The following FOCAD variants were observed in gnomAD, a reference collection of about 807,000 sequenced individuals.
FOCAD encodes the protein focadhesin.
A neutral mutation model predicts 225.6 loss-of-function variants in FOCAD; 198 were observed. The ratio of observed to expected loss-of-function variants is 0.88; its 90% CI spans 0.78 to 0.99. The LOEUF is 0.99. Ranked by LOEUF, FOCAD falls within the 50% of genes least tolerant of loss-of-function variation. The pLI is 0.00. For synonymous variants in FOCAD, 897 were observed against 755.0 expected (o/e 1.19, Z -3.08); for missense variants, 2,713 against 2,123.6 (o/e 1.28, Z -5.46).
chr9:20,770,311 G>C (rs897252494), intron 8 of FOCAD, 73 bp downstream of exon 8: 4 of 1,370,078 alleles, frequency 2.9e-6, no homozygotes, highest in Non-Finnish European at 4.1e-6. Context: ...AATTTATAAA[G>C]AAATGAGGTT....
chr9:20,695,751 T>G (rs766577165), intron 1 of FOCAD, among the ~76,000 whole-genome samples: 7 of 152,216 alleles, frequency 4.6e-5, no homozygotes, highest in Non-Finnish European at 7.3e-5. Flanking sequence ...TAAGTATGGC[T>G]TAGAGGGCTA....
chr9:20,798,579 G>A (rs1821405497), intron 11 of FOCAD, among the ~76,000 whole-genome samples: 1 of 152,032 alleles, frequency 6.6e-6, no homozygotes, highest in Non-Finnish European at 1.5e-5. Flanking sequence ...GTCTTGGGAG[G>A]ATGTATGTGT....
intron 15 of FOCAD, among the ~76,000 whole-genome samples, chr9:20,824,029 C>A (rs1205273053): frequency 6.6e-6 from 1 of 152,028 alleles, no homozygotes; most frequent in Non-Finnish European, 1.5e-5. Flanking sequence ...TTTTGGTGAA[C>A]ACTCATTTCA....
At chr9:20,789,222 TAATTCA>T in intron 10 of FOCAD, 123 bp from the exon 11 acceptor site, 4 of 1,026,578 alleles carry the variant, frequency 3.9e-6, no homozygotes, top group Non-Finnish European at 5.7e-6. Flanking sequence ...ATTTTGGCAG[TAATTCA>T]ATTTGTATTC....
At chr9:20,725,776 A>G (rs1430060868) in intron 4 of FOCAD, among the ~76,000 whole-genome samples, 3 of 152,336 alleles carry the variant, frequency 2.0e-5, no homozygotes, top group East Asian at 3.9e-4. Context: ...CTGGTTGTCT[A>G]AACTTCAGGG....
At chr9:20,815,063 G>A (rs1031888032) in intron 11 of FOCAD, among the ~76,000 whole-genome samples, 3 of 138,022 alleles carry the variant, frequency 2.2e-5, no homozygotes. Flanking sequence ...TGTAAGGCAT[G>A]TTTAGTGGTG....
intron 15 of FOCAD, among the ~76,000 whole-genome samples, chr9:20,855,722 C>T (rs527368977): frequency 6.6e-6 from 1 of 150,922 alleles, no homozygotes; most frequent in Non-Finnish European, 1.5e-5. Context: ...ACCCATTAAT[C>T]ATTTCTGCTG....
intron 7 of FOCAD, among the ~76,000 whole-genome samples, chr9:20,765,776 G>A (rs1323347656): frequency 6.6e-6 from 1 of 152,176 alleles, no homozygotes; most frequent in Non-Finnish European, 1.5e-5. Context: ...TTTTAGTGTA[G>A]TGATTCATTT....
chr9:20,821,718 C>G (rs947662531), intron 14 of FOCAD, among the ~76,000 whole-genome samples: 40 of 151,714 alleles, frequency 2.6e-4, no homozygotes, highest in Non-Finnish European at 7.4e-5. Flanking sequence ...AAGAAATGGA[C>G]TTGATGCATT....
chr9:20,961,550 C>T (rs1465004048), intron 35 of FOCAD, among the ~76,000 whole-genome samples: 5 of 152,138 alleles, frequency 3.3e-5, no homozygotes, highest in Non-Finnish European at 2.9e-5. Context: ...GTCTCTAGGC[C>T]GTTTCAGTGG....
At chr9:20,951,322 C>G (rs1175651180) in intron 34 of FOCAD, among the ~76,000 whole-genome samples, 1 of 152,078 alleles carries the variant, frequency 6.6e-6, no homozygotes, top group Admixed American at 6.6e-5. Flanking sequence ...ATCTTTTGGC[C>G]TCCAAAGCTC....
At chr9:20,718,003 CTTTT>C (rs1383638792) in intron 3 of FOCAD, 135 bp downstream of exon 3, 64 of 608,282 alleles carry the variant, frequency 1.1e-4, no homozygotes, top group Non-Finnish European at 1.7e-4. Context: ...ACTTCATTGC[CTTTT>C]TTGTTTATTT....
intron 41 of FOCAD, among the ~76,000 whole-genome samples, chr9:20,989,860 T>C (rs111480117): frequency 1.2e-4 from 19 of 152,354 alleles, no homozygotes; most frequent in African/African-American, 4.3e-4. Flanking sequence ...GTTAGAGCGA[T>C]AATAATGAAA....
intron 11 of FOCAD, among the ~76,000 whole-genome samples, chr9:20,804,599 CTTG>C (rs751469190): frequency 5.9e-5 from 9 of 151,728 alleles, no homozygotes; most frequent in Non-Finnish European, 8.8e-5. Context: ...GATGAATTGT[CTTG>C]TTGTGCAAAA....
intron 13 of FOCAD, among the ~76,000 whole-genome samples, 196 bp downstream of exon 13, chr9:20,820,621 A>G (rs1219263506): frequency 6.6e-6 from 1 of 152,154 alleles, no homozygotes; most frequent in Non-Finnish European, 1.5e-5. Flanking sequence ...GAGAATATAA[A>G]ATCTCATTTC....
At chr9:20,783,929 G>T (rs1461013681) in intron 10 of FOCAD, among the ~76,000 whole-genome samples, 2 of 152,110 alleles carry the variant, frequency 1.3e-5, no homozygotes, top group African/African-American at 4.8e-5. Flanking sequence ...TTAGCAAGAG[G>T]TGTTTAGTTA....
chr9:20,759,367 T>C (rs1829356943), intron 6 of FOCAD, among the ~76,000 whole-genome samples: 1 of 152,096 alleles, frequency 6.6e-6, no homozygotes, highest in Non-Finnish European at 1.5e-5. Flanking sequence ...AACAGAGATA[T>C]AGATCAATGG....
chr9:20,923,564 T>C (rs1834651741), intron 24 of FOCAD, 96 bp from the exon 25 acceptor site: 2 of 782,812 alleles, frequency 2.6e-6, no homozygotes, highest in Non-Finnish European at 4.2e-6. Context: ...GGAACACAAG[T>C]TGCTTTTTGA....
intron 24 of FOCAD, among the ~76,000 whole-genome samples, chr9:20,918,026 C>T (rs1834016554): frequency 6.6e-6 from 1 of 152,224 alleles, no homozygotes; most frequent in African/African-American, 2.4e-5. Flanking sequence ...GATGGAGACT[C>T]ATTCTTGTCT....
Sources: allele counts gnomAD v4.1 joint callset (sites outside exome capture counted in the v4.1 genomes callset), GRCh38; gene constraint gnomAD v4.1.1; transcripts MANE v1.5; gene names NCBI Gene and HGNC (gene_info 2026-07-23, HGNC 2026-07-21).